Variants in KLHL25 observed in about 807,000 individuals in gnomAD.
KLHL25 encodes the protein kelch-like protein 25.
KLHL25 carries 41 observed loss-of-function variants against 30.0 expected under a neutral mutation model. That is an observed-to-expected ratio of 1.37 (90% CI 1.07 to 1.78). The LOEUF (loss-of-function observed/expected upper bound fraction) is 1.78, where lower values mean the gene tolerates loss of function less well. Among genes scored for constraint, KLHL25 ranks in the 40% most tolerant of loss-of-function variants. The probability of loss-of-function intolerance (pLI) is 0.00; values close to 1 mark genes in which losing one functional copy is unlikely to be tolerated. For synonymous variants in KLHL25, 399 were observed against 355.3 expected, an observed-to-expected ratio of 1.12 and a Z score of -1.38; for missense variants, 971 against 824.5, an observed-to-expected ratio of 1.18 and a Z score of -2.18.
chr15:85,791,315 G>A (rs1012486844), intron 1 of KLHL25, among the ~76,000 whole-genome samples: 15 of 151,928 alleles, frequency 9.9e-5, no homozygotes, highest in Admixed American at 1.3e-4. Flanking sequence ...GGACAACATG[G>A]AGAAACCCCG....
chr15:85,776,564 A>T (rs2089710597), intron 1 of KLHL25, among the ~76,000 whole-genome samples: 1 of 152,124 alleles, frequency 6.6e-6, no homozygotes, highest in Non-Finnish European at 1.5e-5. Flanking sequence ...TTAAACTGTA[A>T]CTGATCTGAA....
At chr15:85,782,797 T>C (rs1406657344) in intron 1 of KLHL25, among the ~76,000 whole-genome samples, 3 of 152,238 alleles carry the variant, frequency 2.0e-5, no homozygotes. Flanking sequence ...GTGCCTTTGC[T>C]GCAGCACGGT....
At chr15:85,781,213 T>G (rs886563867) in intron 1 of KLHL25, among the ~76,000 whole-genome samples, 1 of 152,172 alleles carries the variant, frequency 6.6e-6, no homozygotes, top group Admixed American at 6.5e-5. Context: ...CCCGTATCAA[T>G]GAACTTTTGT....
In KLHL25 at chr15:85,789,037, C is replaced by T. The variant is rs1395860133; in HGVS notation, c.-11+5729G>A. Among the ~76,000 whole-genome samples the T allele has an allele frequency of 6.6e-6, 1 of 152,250 alleles. No homozygotes were observed. Among genetic ancestry groups the T allele is most frequent in the African/African-American group, 2.4e-5 (1 of 41,458 alleles). Reference sequence around the variant, plus strand: ...CCTGGAGTTTGAATGAGCACAGCTTCTCCTTATCTTAATTAGGAAATTAAT... The same window carrying T: ...CCTGGAGTTTGAATGAGCACAGCTTTTCCTTATCTTAATTAGGAAATTAAT... On this transcript the variant is annotated intron_variant, in intron 1 of 2. Coordinates refer to ENST00000337975, the MANE Select transcript of KLHL25 (RefSeq NM_022480.4). The surrounding 1 kb of genome is among the most constrained non-coding windows in gnomAD (Gnocchi z 4.1).
At chr15:85,765,253 C>T (rs2089612172) in intron 2 of KLHL25, among the ~76,000 whole-genome samples, 1 of 152,122 alleles carries the variant, frequency 6.6e-6, no homozygotes, top group African/African-American at 2.4e-5. Flanking sequence ...TGAGGAGATG[C>T]CAGTATCCTC....
intron 1 of KLHL25, among the ~76,000 whole-genome samples, chr15:85,775,555 G>C (rs2248675): frequency 0.47 from 70,778 of 151,894 alleles, 16,712 homozygotes; most frequent in South Asian, 0.53. Context: ...TTTGCCAGGA[G>C]TTCCATCATT....
At chr15:85,778,894 C>T (rs1446815002) in intron 1 of KLHL25, among the ~76,000 whole-genome samples, 2 of 152,182 alleles carry the variant, frequency 1.3e-5, no homozygotes, top group Admixed American at 1.3e-4. Context: ...ACCCACTTCT[C>T]TCCTATGGGT....
chr15:85,785,118 G>A (rs1184061331), intron 1 of KLHL25, among the ~76,000 whole-genome samples: 2 of 143,278 alleles, frequency 1.4e-5, no homozygotes, highest in African/African-American at 2.6e-5. Flanking sequence ...TTCTGAGACA[G>A]TGTCTCTCTC....
chr15:85,769,789 T>G lies in KLHL25; in HGVS notation c.22A>C (p.Thr8Pro), dbSNP rs2089658315. 2 of 1,610,430 alleles carry G rather than the reference T, an allele frequency of 1.2e-6. No individual in the cohort carries two copies. The highest frequency in any genetic ancestry group is 4.5e-5 in the East Asian group (2 of 44,846). Reference sequence around the variant, plus strand: ...CCCGTGCTGCTCCGCGACTTGCGGGTCTCATGGACACTGACCGACATGGTG... The same window carrying G: ...CCCGTGCTGCTCCGCGACTTGCGGGGCTCATGGACACTGACCGACATGGTG... MSVSVHETRKSRSSTGSM... is the reference protein window; with the variant it reads MSVSVHEPRKSRSSTGSM... The change falls in exon 2 of 3, where the codon ACC becomes CCC. Residue 8 changes from threonine to proline, a missense_variant. Transcript: ENST00000337975.
intron 2 of KLHL25, among the ~76,000 whole-genome samples, chr15:85,765,983 G>C (rs1003711788): frequency 1.3e-5 from 2 of 152,168 alleles, no homozygotes; most frequent in African/African-American, 4.8e-5. Context: ...GTCCCTTTAA[G>C]GGACTCGAAG....
intron 1 of KLHL25, among the ~76,000 whole-genome samples, chr15:85,775,037 C>A (rs572761808): frequency 6.6e-6 from 1 of 152,032 alleles, no homozygotes; most frequent in Non-Finnish European, 1.5e-5. Flanking sequence ...CCACCACACC[C>A]GGCTAATTTT....
At chr15:85,786,279 A>G (rs2614674) in intron 1 of KLHL25, among the ~76,000 whole-genome samples, 69,877 of 151,894 alleles carry the variant, frequency 0.46, 16,341 homozygotes, top group South Asian at 0.53. Context: ...GCCTCCTCTG[A>G]AGCTTGGTTC....
chr15:85,792,139 G>A (rs992993189), intron 1 of KLHL25, among the ~76,000 whole-genome samples: 6 of 152,180 alleles, frequency 3.9e-5, no homozygotes, highest in African/African-American at 7.2e-5. Flanking sequence ...GGAACCTACT[G>A]TAGGGGCTGG....
intron 2 of KLHL25, chr15:85,764,325 G>C (rs2089604143): frequency 6.6e-6 from 1 of 152,502 alleles, no homozygotes; most frequent in Admixed American, 6.5e-5. Flanking sequence ...GAAGCCACGG[G>C]ATTGGGGTGG....
chr15:85,768,652 C>A lies in KLHL25; in HGVS notation c.1159G>T (p.Glu387Ter). ...ARFGHGSAEL[E>*]NCLYVVGGHT... ...CCCCCCACCACATAGAGGCAGTTCTCCAGCTCAGCTGAGCCATGGCCAAAG... is the reference window on the plus strand; with the variant it reads ...CCCCCCACCACATAGAGGCAGTTCTACAGCTCAGCTGAGCCATGGCCAAAG... The change falls in exon 2 of 3, where the codon GAG (glutamate) becomes TAG (stop). Residue 387 changes from glutamate (E) to a stop codon, truncating the protein, a stop_gained. Coordinates refer to ENST00000337975, the MANE Select transcript of KLHL25 (RefSeq NM_022480.4). LOFTEE classifies it high-confidence loss of function. 1 of 1,613,222 alleles carries A rather than the reference C, an allele frequency of 6.2e-7. No individual in the cohort carries two copies. Among genetic ancestry groups the A allele is most frequent in the Non-Finnish European group, 8.5e-7 (1 of 1,179,548 alleles).
intron 1 of KLHL25, among the ~76,000 whole-genome samples, chr15:85,770,100 T>A (rs1309151167): frequency 6.6e-6 from 1 of 152,186 alleles, no homozygotes; most frequent in East Asian, 1.9e-4. Flanking sequence ...CTAGGCAAGC[T>A]CCAGTTGAGG....
At chr15:85,792,924 T>C (rs911743697) in intron 1 of KLHL25, among the ~76,000 whole-genome samples, 1 of 152,138 alleles carries the variant, frequency 6.6e-6, no homozygotes, top group South Asian at 2.1e-4. Context: ...AGGTGCTCAC[T>C]AAAGGAAGAG....
Position 85,769,343 on chromosome 15 carries a change from C to T in KLHL25, c.468G>A (p.Ser156=), listed in dbSNP as rs1272573897. The change falls in exon 2 of 3, where the codon TCG becomes TCA. Residue 156 remains serine (S), a synonymous_variant. Transcript: ENST00000337975. ...PSNCLGMMLL[S]DAHQCRRLYE... ...ACAGCCGGCGGCACTGGTGGGCGTC[C>T]GAGAGCAGCATCATGCCCAGGCAGT... is the stretch of plus-strand genomic sequence containing the variant. The T allele has an allele frequency of 6.2e-6, 10 of 1,613,990 alleles. No homozygotes were observed. The highest frequency in any genetic ancestry group is 4.0e-5 in the African/African-American group (3 of 74,938).
chr15:85,789,977 G>A lies in KLHL25; in HGVS notation c.-11+4789C>T, dbSNP rs2089806159. On this transcript the variant is annotated intron_variant, in intron 1 of 2. Transcript: ENST00000337975. The surrounding 1 kb of genome is among the most constrained non-coding windows in gnomAD (Gnocchi z 4.1). The stretch of plus-strand genomic sequence containing the variant: ...TTCAGGAAACTAGGAGCTTGCCTAC[G>A]TCACCCCTCTCACTCTACAGGTGAA... 6.6e-6 allele frequency among the ~76,000 whole-genome samples: 1 copy of A among 152,280 alleles called. No individual in the cohort carries two copies. Among genetic ancestry groups the A allele is most frequent in the African/African-American group, 2.4e-5 (1 of 41,548 alleles).
Sources: allele counts gnomAD v4.1 joint callset (sites outside exome capture counted in the v4.1 genomes callset), GRCh38; gene constraint gnomAD v4.1.1; non-coding constraint Gnocchi (gnomAD v3.1); transcripts MANE v1.5; gene names NCBI Gene and HGNC (gene_info 2026-07-23, HGNC 2026-07-21).